MBD3L1: variants seen among roughly 807,000 people sequenced by gnomAD.
MBD3L1 encodes methyl-CpG-binding domain protein 3-like 1.
For missense variants in MBD3L1, 203 were observed against 230.1 expected (o/e 0.88, Z 0.76); for synonymous variants, 84 against 85.1 (o/e 0.99, Z 0.07).
At chr19:8,841,883 G>A (rs762793497) in intron 2 of MBD3L1, among the ~76,000 whole-genome samples, 1 of 152,146 alleles carries the variant, frequency 6.6e-6, no homozygotes, top group Admixed American at 6.5e-5. Flanking sequence ...GAGCATGGCT[G>A]TTTGGGTTGC....
At chr19:8,840,327 G>C (rs2044499245) in intron 1 of MBD3L1, among the ~76,000 whole-genome samples, 1 of 152,154 alleles carries the variant, frequency 6.6e-6, no homozygotes, top group African/African-American at 2.4e-5. Context: ...TATGAGACAA[G>C]GTCTTGCTCT....
chr19:8,839,189 T>TC (rs139541686), intron 1 of MBD3L1, among the ~76,000 whole-genome samples: 20,735 of 136,992 alleles, frequency 0.15, 1,697 homozygotes, highest in East Asian at 0.24. Context: ...TCTTTTCTTT[T>TC]TTTTTTTTTT....
chr19:8,842,437 G>A (rs1251217867), intron 2 of MBD3L1, among the ~76,000 whole-genome samples: 1 of 151,926 alleles, frequency 6.6e-6, no homozygotes, highest in Non-Finnish European at 1.5e-5. Flanking sequence ...GAATAAAATA[G>A]TACTCAAACA....
In MBD3L1 at chr19:8,842,926, T is replaced by A. The variant is rs1291430067; in HGVS notation, c.248T>A (p.Leu83His). Residue 83 changes from leucine to histidine, a missense_variant, in exon 3 of 3, where the codon CTT (leucine) becomes CAT (histidine). Transcript: ENST00000595891. ...CAGGCTTACAGCAGTGCAGGAGAAC[T>A]TTCAAGCACTTTGGATCTTGCCAAT... ...GLQAYSSAGE[L>H]SSTLDLANTL... is the part of the protein sequence containing the mutation. 3 of 1,614,106 alleles carry A rather than the reference T, an allele frequency of 1.9e-6. No individual in the cohort carries two copies. The highest frequency in any genetic ancestry group is 1.7e-5 in the Admixed American group (1 of 60,000).
intron 2 of MBD3L1, among the ~76,000 whole-genome samples, chr19:8,841,754 G>A (rs759473415): frequency 2.6e-5 from 4 of 151,102 alleles, no homozygotes; most frequent in African/African-American, 4.9e-5. Flanking sequence ...ATGGGGTTTC[G>A]CCATGTTGGC....
intron 1 of MBD3L1, among the ~76,000 whole-genome samples, chr19:8,834,492 C>T (rs1342039820): frequency 6.6e-6 from 1 of 151,884 alleles, no homozygotes; most frequent in Admixed American, 6.6e-5. Context: ...CCTATAGTCC[C>T]AGCTACTCGG....
At chr19:8,838,533 A>G (rs2044478880) in intron 1 of MBD3L1, among the ~76,000 whole-genome samples, 1 of 152,180 alleles carries the variant, frequency 6.6e-6, no homozygotes, top group Non-Finnish European at 1.5e-5. Context: ...ATAAGCACCA[A>G]TATAGCACCT....
At chr19:8,833,590 A>G (rs1055640695) in intron 1 of MBD3L1, 2 of 152,192 alleles carry the variant, frequency 1.3e-5, no homozygotes, top group African/African-American at 4.8e-5. Context: ...AAAATAGGTA[A>G]ACGTCCTTGC....
intron 1 of MBD3L1, among the ~76,000 whole-genome samples, chr19:8,836,832 T>C (rs1347524131): frequency 6.6e-6 from 1 of 152,182 alleles, no homozygotes; most frequent in Non-Finnish European, 1.5e-5. Flanking sequence ...CATTATTAAA[T>C]GGCAAAACAA....
intron 1 of MBD3L1, among the ~76,000 whole-genome samples, chr19:8,833,708 G>T (rs1025486487): frequency 2.6e-5 from 4 of 152,088 alleles, no homozygotes; most frequent in Non-Finnish European, 4.4e-5. Flanking sequence ...CTAAGTGCTG[G>T]TTGGACCTGG....
chr19:8,833,396 C>T (rs1330538746), intron 1 of MBD3L1: 3 of 152,172 alleles, frequency 2.0e-5, no homozygotes, highest in African/African-American at 4.8e-5. Flanking sequence ...CAAATATTCT[C>T]CCACCACGGT....
rs781213429 is a variant in MBD3L1, at chr19:8,843,200, G to A, written c.522G>A (p.Ala174=). 5.6e-6 allele frequency: 9 copies of A among 1,612,280 alleles called. No homozygotes were observed. Among genetic ancestry groups the A allele is most frequent in the African/African-American group, 4.0e-5 (3 of 74,896 alleles). The part of the protein sequence containing the change: ...VRERLAIALI[A]DGLANEAEKV... ...AGAGACTCGCAATAGCACTGATTGC[G>A]GATGGACTCGCTAATGAGGCAGAGA... The change falls in exon 3 of 3, where the codon GCG becomes GCA. Residue 174 remains alanine (A), a synonymous_variant. Transcript: ENST00000595891.
rs754651524 is a variant in MBD3L1 at position 8,842,958 on chromosome 19, C to A, written c.280C>A (p.Gln94Lys). 1 of 1,614,210 alleles carries A rather than the reference C, an allele frequency of 6.2e-7. No individual in the cohort carries two copies. Among genetic ancestry groups the A allele is most frequent in the Non-Finnish European group, 8.5e-7 (1 of 1,180,038 alleles). The change falls in exon 3 of 3, where the codon CAA becomes AAA. Residue 94 changes from glutamine (Q) to lysine (K), a missense_variant. Transcript: ENST00000595891. Reference protein sequence around the residue: ...SSTLDLANTLQKLVPSYTGGS... With the variant: ...SSTLDLANTLKKLVPSYTGGS... ...CACTTTGGATCTTGCCAATACCTTG[C>A]AAAAACTTGTCCCTAGTTACACAGG...
intron 1 of MBD3L1, among the ~76,000 whole-genome samples, chr19:8,834,039 G>A (rs1261055092): frequency 6.6e-6 from 1 of 151,984 alleles, no homozygotes; most frequent in Non-Finnish European, 1.5e-5. Context: ...AAAGATACTG[G>A]TAAGTGCAAA....
chr19:8,839,187 T>TTC (rs1173387332), intron 1 of MBD3L1, among the ~76,000 whole-genome samples: 2 of 109,150 alleles, frequency 1.8e-5, no homozygotes, highest in African/African-American at 5.8e-5. Flanking sequence ...TTTCTTTTCT[T>TTC]TTTTTTTTTT....
At chr19:8,836,755 G>C (rs1257261552) in intron 1 of MBD3L1, among the ~76,000 whole-genome samples, 1 of 152,216 alleles carries the variant, frequency 6.6e-6, no homozygotes, top group Non-Finnish European at 1.5e-5. Context: ...GCTGCCCAAA[G>C]TGCTGGGATT....
intron 1 of MBD3L1, among the ~76,000 whole-genome samples, chr19:8,837,388 A>G (rs1317804279): frequency 1.3e-5 from 2 of 152,256 alleles, no homozygotes; most frequent in African/African-American, 4.8e-5. Flanking sequence ...ATGTCAATGT[A>G]CATTTAGTTA....
At chr19:8,836,981 T>C (rs1466916599) in intron 1 of MBD3L1, among the ~76,000 whole-genome samples, 1 of 152,094 alleles carries the variant, frequency 6.6e-6, no homozygotes, top group African/African-American at 2.4e-5. Context: ...AACCACACAC[T>C]CCTTTACAAA....
chr19:8,838,108 C>T (rs779255632), intron 1 of MBD3L1, among the ~76,000 whole-genome samples: 6 of 151,300 alleles, frequency 4.0e-5, no homozygotes, highest in East Asian at 3.9e-4. Flanking sequence ...ATAAGCTGGG[C>T]GTGGTGGTGC....
Sources: gnomAD v4.1 joint callset for allele counts (sites outside exome capture counted in the v4.1 genomes callset) on GRCh38, gnomAD v4.1.1 for gene constraint, MANE v1.5 for transcripts, NCBI Gene and HGNC (gene_info 2026-07-23, HGNC 2026-07-21) for gene names.